CARF: variants seen among roughly 807,000 people sequenced by gnomAD.
CARF encodes calcium-responsive transcription factor.
CARF carries 57 observed loss-of-function variants against 82.0 expected under a neutral mutation model. The ratio of observed to expected loss-of-function variants is 0.70; its 90% CI spans 0.56 to 0.87. The LOEUF is 0.87. Ranked by LOEUF, CARF falls within the 40% of genes least tolerant of loss-of-function variation. The pLI is 0.00. For synonymous variants in CARF, 268 were observed against 290.1 expected (o/e 0.92, Z 0.77); for missense variants, 771 against 855.8 (o/e 0.90, Z 1.24).
chr2:202,947,096 T>C (rs2058531442), intron 5 of CARF, among the ~76,000 whole-genome samples: 2 of 152,076 alleles, frequency 1.3e-5, no homozygotes, highest in African/African-American at 4.8e-5. Context: ...GAACCAGAAA[T>C]ACCATTTGAC....
intron 5 of CARF, among the ~76,000 whole-genome samples, chr2:202,949,543 A>G (rs927505778): frequency 1.4e-5 from 2 of 145,336 alleles, no homozygotes; most frequent in East Asian, 2.0e-4. Context: ...TATTATTATT[A>G]TTATTATTAT....
At chr2:202,925,813 C>G (rs1261928944) in intron 3 of CARF, 1 of 187,390 alleles carries the variant, frequency 5.3e-6, no homozygotes, top group African/African-American at 2.4e-5. Flanking sequence ...TCTCCACTTA[C>G]AAGAAGCTGC....
intron 3 of CARF, chr2:202,924,777 A>G: frequency 6.1e-6 from 1 of 164,868 alleles, no homozygotes; most frequent in Non-Finnish European, 1.3e-5. Context: ...TAGCCTGGAC[A>G]CTGGCATGGG....
At chr2:202,960,956 C>T (rs994527046) in intron 8 of CARF, among the ~76,000 whole-genome samples, 2 of 152,136 alleles carry the variant, frequency 1.3e-5, no homozygotes, top group Admixed American at 6.5e-5. Context: ...AATTGATATA[C>T]ATTATATGTT....
At chr2:202,922,079 T>A (rs1690935485) in intron 2 of CARF, among the ~76,000 whole-genome samples, 1 of 151,748 alleles carries the variant, frequency 6.6e-6, no homozygotes, top group Non-Finnish European at 1.5e-5. Context: ...TTCTTCCACC[T>A]TGACTTCCCA....
At chr2:202,915,693 C>T (rs577687822) in intron 1 of CARF, among the ~76,000 whole-genome samples, 1 of 152,224 alleles carries the variant, frequency 6.6e-6, no homozygotes, top group East Asian at 1.9e-4. Flanking sequence ...TGGTCTCAAT[C>T]TCCTGACCTT....
chr2:202,959,848 C>T (rs185081165), intron 8 of CARF, among the ~76,000 whole-genome samples: 52 of 151,758 alleles, frequency 3.4e-4, no homozygotes, highest in Admixed American at 1.4e-3. Context: ...AAAGTTTCTC[C>T]TCTAGTACGA....
At position 202,957,152 on chromosome 2, in the gene CARF, A is replaced by G. The variant is rs183112082; in HGVS notation, c.642+1394A>G. Among the ~76,000 whole-genome samples the G allele has an allele frequency of 2.0e-3, 312 of 152,224 alleles. 2 individuals carry two copies. Among genetic ancestry groups the G allele is most frequent in the Non-Finnish European group, 3.3e-3 (226 of 68,010 alleles). On this transcript the variant is annotated intron_variant, in intron 8 of 16. Coordinates refer to ENST00000438828, the MANE Select transcript of CARF (RefSeq NM_024744.17). ...CTTTTTCTTTTTGGCCCATTTTTCAATAGGCCTTTGTCCTCTTGTGCTTGA... is the reference window on the plus strand; with the variant it reads ...CTTTTTCTTTTTGGCCCATTTTTCAGTAGGCCTTTGTCCTCTTGTGCTTGA...
chr2:202,919,097 G>C (rs1440762413), intron 2 of CARF, among the ~76,000 whole-genome samples: 1 of 152,124 alleles, frequency 6.6e-6, no homozygotes, highest in African/African-American at 2.4e-5. Context: ...TCCTGTGCAG[G>C]CCTGCTGAAT....
intron 1 of CARF, among the ~76,000 whole-genome samples, chr2:202,915,850 C>T (rs1269832688): frequency 2.0e-5 from 3 of 151,842 alleles, no homozygotes; most frequent in Non-Finnish European, 4.4e-5. Flanking sequence ...CCTCAAGATC[C>T]GCCCACTTTA....
chr2:202,919,674 A>C (rs1325741330), intron 2 of CARF, among the ~76,000 whole-genome samples: 2 of 152,240 alleles, frequency 1.3e-5, no homozygotes, highest in Admixed American at 6.5e-5. Flanking sequence ...TTAATTTGTT[A>C]ACCTATCCAG....
chr2:202,926,331 T>A (rs1295743889), intron 3 of CARF, among the ~76,000 whole-genome samples: 1 of 152,182 alleles, frequency 6.6e-6, no homozygotes, highest in Non-Finnish European at 1.5e-5. Context: ...AACAAAATTT[T>A]AAAAACAGAC....
chr2:202,983,032 C>G (rs1362703596), intron 16 of CARF, among the ~76,000 whole-genome samples: 1 of 151,970 alleles, frequency 6.6e-6, no homozygotes, highest in East Asian at 1.9e-4. Flanking sequence ...ACCACAGGCA[C>G]ATGCCACCAT....
intron 14 of CARF, among the ~76,000 whole-genome samples, chr2:202,979,949 G>A (rs560085509): frequency 1.1e-4 from 16 of 152,124 alleles, no homozygotes; most frequent in Non-Finnish European, 2.4e-4. Flanking sequence ...AATGTTCATT[G>A]ATAATTAGGT....
At position 202,988,118 on chromosome 2, in the gene CARF, T is replaced by C. The variant is rs1032989497; in HGVS notation, c.*4494T>C. ...GCATAGTAATTTTGTGATTTGTCTA[T>C]ATTGTTGCATTTATGAATAAATCAT... On this transcript the variant is annotated 3_prime_UTR_variant, in exon 17 of 17. Transcript: ENST00000438828. Among the ~76,000 whole-genome samples the C allele has an allele frequency of 3.3e-5, 5 of 152,240 alleles. No individual in the cohort carries two copies. Among genetic ancestry groups the C allele is most frequent in the African/African-American group, 1.2e-4 (5 of 41,460 alleles).
chr2:202,973,324 A>G (rs983142029), intron 12 of CARF, among the ~76,000 whole-genome samples: 2 of 152,240 alleles, frequency 1.3e-5, no homozygotes, highest in Non-Finnish European at 1.5e-5. Flanking sequence ...AATCTTAACA[A>G]TGGAAGTATA....
intron 6 of CARF, 67 bp downstream of exon 6, chr2:202,952,746 C>A (rs907521744): frequency 2.4e-5 from 36 of 1,489,516 alleles, no homozygotes; most frequent in Admixed American, 1.1e-4. Context: ...AGAAAAATCA[C>A]CTTATGAAAG....
intron 14 of CARF, among the ~76,000 whole-genome samples, chr2:202,979,798 CA>C (rs796554415): frequency 0.024 from 2,651 of 108,922 alleles, 55 homozygotes; most frequent in African/African-American, 0.075. Context: ...AAGACTGTCT[CA>C]AAAAAAAAAA....
At chr2:202,946,505 T>C (rs1451972987) in intron 5 of CARF, among the ~76,000 whole-genome samples, 2 of 152,192 alleles carry the variant, frequency 1.3e-5, no homozygotes, top group Non-Finnish European at 2.9e-5. Flanking sequence ...TAATTCAAGA[T>C]GGATTAAAGG....
Sources: allele counts gnomAD v4.1 joint callset (sites outside exome capture counted in the v4.1 genomes callset), GRCh38; gene constraint gnomAD v4.1.1; transcripts MANE v1.5; gene names NCBI Gene and HGNC (gene_info 2026-07-23, HGNC 2026-07-21).